The following COL28A1 variants were observed in gnomAD, a reference collection of about 807,000 sequenced individuals.
The protein encoded by COL28A1 is collagen alpha-1(XXVIII) chain.
A neutral mutation model predicts 150.2 loss-of-function variants in COL28A1; 161 were observed. The ratio of observed to expected loss-of-function variants is 1.07; its 90% CI spans 0.94 to 1.22. COL28A1 has a LOEUF of 1.22. Among genes scored for constraint, COL28A1 ranks in the 50% most tolerant of loss-of-function variants. The probability of loss-of-function intolerance (pLI) is 0.00; values close to 1 mark genes in which losing one functional copy is unlikely to be tolerated. For missense variants in COL28A1, 1,617 were observed against 1,388.3 expected, an observed-to-expected ratio of 1.16 and a Z score of -2.62; for synonymous variants, 552 against 469.7, an observed-to-expected ratio of 1.18 and a Z score of -2.26.
At chr7:7,435,339 C>T (rs1055281618) in intron 23 of COL28A1, among the ~76,000 whole-genome samples, 23 of 152,184 alleles carry the variant, frequency 1.5e-4, no homozygotes, top group Admixed American at 1.5e-3. Context: ...TTGCTATTGT[C>T]CCCATGAGCT....
chr7:7,383,274 GTGTGTGTGTGTGTGTT>G (rs1471126414), intron 27 of COL28A1, among the ~76,000 whole-genome samples: 7 of 139,416 alleles, frequency 5.0e-5, no homozygotes, highest in Admixed American at 1.4e-4. Context: ...GTGTGTGTGT[GTGTGTGTGTGTGTGTT>G]TTTTTTGAGA....
the COL28A1 span, among the ~76,000 whole-genome samples, chr7:7,543,274 A>C: frequency 6.6e-6 from 1 of 152,198 alleles, no homozygotes; most frequent in Admixed American, 6.5e-5. Context: ...AGTAAGACAA[A>C]AATGAAACAA....
chr7:7,474,536 C>T (rs1788712430), intron 15 of COL28A1, 65 bp downstream of exon 15: 2 of 816,140 alleles, frequency 2.5e-6, no homozygotes, highest in Non-Finnish European at 4.3e-6. Flanking sequence ...CAGAAATGTA[C>T]ATACATAAAG....
intron 8 of COL28A1, among the ~76,000 whole-genome samples, chr7:7,513,274 A>C (rs1049836041): frequency 1.3e-5 from 2 of 152,204 alleles, no homozygotes; most frequent in African/African-American, 4.8e-5. Flanking sequence ...AGGCTCAGAG[A>C]CATTACATAC....
intron 27 of COL28A1, among the ~76,000 whole-genome samples, chr7:7,394,182 G>C (rs529847415): frequency 6.6e-6 from 1 of 152,248 alleles, no homozygotes; most frequent in African/African-American, 2.4e-5. Context: ...CCTTGGCTAG[G>C]GGAGGGAGTT....
At chr7:7,409,650 T>C (rs7807860) in intron 27 of COL28A1, among the ~76,000 whole-genome samples, 21,852 of 152,238 alleles carry the variant, frequency 0.14, 1,685 homozygotes, top group Middle Eastern at 0.29. Context: ...AACAATGTCT[T>C]ATCTTTATTA....
chr7:7,439,585 G>T (rs1356966257), intron 21 of COL28A1, among the ~76,000 whole-genome samples: 1 of 152,056 alleles, frequency 6.6e-6, no homozygotes, highest in Non-Finnish European at 1.5e-5. Context: ...TTAACATATG[G>T]CAATTCTTCA....
In COL28A1 at chr7:7,456,077, C is replaced by T. The variant is rs1787144694; in HGVS notation, c.1338G>A (p.Met446Ile). The T allele has an allele frequency of 1.2e-6, 2 of 1,613,772 alleles. No homozygotes were observed. Among genetic ancestry groups the T allele is most frequent in the Non-Finnish European group, 1.7e-6 (2 of 1,179,888 alleles). ...CTTGACTCCCGATTCCAGGGATACCCATTGGTCCTTGGGGTCCCACAGGTC... is the reference window on the plus strand; with the variant it reads ...CTTGACTCCCGATTCCAGGGATACCTATTGGTCCTTGGGGTCCCACAGGTC... ...DIGPVGPQGP[M>I]GIPGIGSQGE... is the part of the protein sequence containing the mutation. The change falls in exon 16 of 35, where the codon ATG becomes ATA. Residue 446 changes from methionine (M) to isoleucine (I), a missense_variant. Coordinates refer to ENST00000399429, the MANE Select transcript of COL28A1 (RefSeq NM_001037763.3).
chr7:7,441,270 T>A (rs545881574), intron 20 of COL28A1, among the ~76,000 whole-genome samples: 53 of 152,272 alleles, frequency 3.5e-4, no homozygotes, highest in African/African-American at 1.2e-3. Context: ...TGAGACATTT[T>A]AAAAATCACA....
chr7:7,436,059 T>G (rs1376291610), intron 23 of COL28A1, among the ~76,000 whole-genome samples: 1 of 152,242 alleles, frequency 6.6e-6, no homozygotes, highest in Non-Finnish European at 1.5e-5. Context: ...CACGCTTTTT[T>G]GGACAATGTT....
intron 6 of COL28A1, among the ~76,000 whole-genome samples, chr7:7,519,614 C>T (rs144227188): frequency 2.0e-5 from 3 of 151,932 alleles, no homozygotes; most frequent in African/African-American, 4.8e-5. Context: ...GAAAAGAATT[C>T]GAGAAGTCCT....
At chr7:7,381,035 G>A (rs1781844102) in intron 28 of COL28A1, among the ~76,000 whole-genome samples, 173 bp from the exon 29 acceptor site, 1 of 152,148 alleles carries the variant, frequency 6.6e-6, no homozygotes, top group Non-Finnish European at 1.5e-5. Context: ...CATCCCATCA[G>A]ATACCATAAT....
intron 33 of COL28A1, among the ~76,000 whole-genome samples, chr7:7,369,965 C>G (rs1392738067): frequency 3.3e-5 from 5 of 152,076 alleles, no homozygotes; most frequent in Non-Finnish European, 4.4e-5. Context: ...TAGACTTGCC[C>G]AAGTTGCAAC....
upstream of COL28A1, among the ~76,000 whole-genome samples, chr7:7,536,371 T>C (rs1057421925): frequency 2.6e-5 from 4 of 151,824 alleles, no homozygotes; most frequent in Admixed American, 6.6e-5. Context: ...CTGAGTATAG[T>C]CATAGTTCTG....
chr7:7,523,406 C>G (rs1037559916), intron 4 of COL28A1, among the ~76,000 whole-genome samples: 9 of 152,002 alleles, frequency 5.9e-5, no homozygotes, highest in African/African-American at 2.2e-4. Context: ...GATCCACCTG[C>G]CTCGGCCTCC....
the COL28A1 span, among the ~76,000 whole-genome samples, chr7:7,543,195 A>G: frequency 1.3e-5 from 2 of 152,290 alleles, no homozygotes; most frequent in African/African-American, 4.8e-5. Context: ...TAGCCAATCT[A>G]TGGTTGTAAT....
intron 18 of COL28A1, 76 bp from the exon 19 acceptor site, chr7:7,444,565 T>C: frequency 7.1e-7 from 1 of 1,411,418 alleles, no homozygotes; most frequent in Non-Finnish European, 9.9e-7. Flanking sequence ...GGATGTATCT[T>C]ACAGTGTCTG....
intron 21 of COL28A1, among the ~76,000 whole-genome samples, chr7:7,438,929 G>A (rs1417457765): frequency 6.6e-6 from 1 of 152,114 alleles, no homozygotes; most frequent in Non-Finnish European, 1.5e-5. Flanking sequence ...TGGGCCACAG[G>A]ACCTAAAATA....
At chr7:7,441,263 G>A (rs187800913) in intron 20 of COL28A1, among the ~76,000 whole-genome samples, 1 of 152,190 alleles carries the variant, frequency 6.6e-6, no homozygotes, top group Non-Finnish European at 1.5e-5. Context: ...GATGAAATGA[G>A]ACATTTTAAA....
Sources: allele counts gnomAD v4.1 joint callset (sites outside exome capture counted in the v4.1 genomes callset), GRCh38; gene constraint gnomAD v4.1.1; transcripts MANE v1.5; gene names NCBI Gene and HGNC (gene_info 2026-07-23, HGNC 2026-07-21).